CLDN10: variants seen among roughly 807,000 people sequenced by gnomAD.
CLDN10 encodes the protein claudin-10.
A neutral mutation model predicts 22.9 loss-of-function variants in CLDN10; 15 were observed. That is an observed-to-expected ratio of 0.65 (90% CI 0.44 to 1.01). The LOEUF is 1.01. CLDN10 is among the 50% of genes least tolerant of loss of function. The pLI, the probability that CLDN10 is intolerant of heterozygous loss-of-function variation, is 0.00. For missense variants in CLDN10, 247 were observed against 287.8 expected (o/e 0.86, Z 1.03); for synonymous variants, 114 against 111.4 (o/e 1.02, Z -0.15).
chr13:95,491,181 G>C (rs112929949), intron 1 of CLDN10, among the ~76,000 whole-genome samples: 358 of 152,292 alleles, frequency 2.4e-3, no homozygotes, highest in Non-Finnish European at 3.4e-3. Flanking sequence ...AGGCAACAGA[G>C]AGTTGGTTGG....
At chr13:95,532,449 C>A (rs1300722221) in intron 1 of CLDN10, among the ~76,000 whole-genome samples, 19 of 152,120 alleles carry the variant, frequency 1.2e-4, no homozygotes, top group Non-Finnish European at 1.5e-5. Context: ...AATAAGATAT[C>A]ATTGAATACC....
intron 1 of CLDN10, chr13:95,480,064 GT>G (rs113036595): frequency 0.46 from 70,422 of 152,046 alleles, 16,471 homozygotes; most frequent in Non-Finnish European, 0.49. Flanking sequence ...ATGGTGGAAG[GT>G]GAAGGAGGAA....
chr13:95,502,647 C>G (rs1349764463), intron 1 of CLDN10, among the ~76,000 whole-genome samples: 1 of 152,094 alleles, frequency 6.6e-6, no homozygotes, highest in Non-Finnish European at 1.5e-5. Context: ...AGCCTCCCGA[C>G]TAGCTGGGAT....
chr13:95,533,060 AAGTT>A (rs2043362376), intron 1 of CLDN10, among the ~76,000 whole-genome samples: 2 of 152,002 alleles, frequency 1.3e-5, no homozygotes, highest in African/African-American at 4.8e-5. Context: ...CATTTGTCAA[AAGTT>A]AGTGAATGTA....
intron 1 of CLDN10, among the ~76,000 whole-genome samples, chr13:95,458,271 G>C (rs1485993429): frequency 2.0e-5 from 3 of 152,156 alleles, no homozygotes. Flanking sequence ...AATAGCCTCC[G>C]TGTTTTTGTT....
chr13:95,531,198 C>T (rs577468494), intron 1 of CLDN10, among the ~76,000 whole-genome samples: 174 of 152,202 alleles, frequency 1.1e-3, no homozygotes, highest in Non-Finnish European at 1.7e-3. Context: ...GATTACCAGG[C>T]GTGAGCCACC....
At chr13:95,533,125 A>T (rs1173093444) in intron 1 of CLDN10, among the ~76,000 whole-genome samples, 1 of 152,012 alleles carries the variant, frequency 6.6e-6, no homozygotes, top group African/African-American at 2.4e-5. Context: ...TCAAAAGAAA[A>T]ACTAAATATT....
At chr13:95,552,228 C>A (rs1566332259), upstream of CLDN10, among the ~76,000 whole-genome samples, 1 of 152,262 alleles carries the variant, frequency 6.6e-6, no homozygotes, top group Admixed American at 6.5e-5. Context: ...GTCACCCAAA[C>A]AAGCGTGGCA....
At position 95,579,004 on chromosome 13, in the gene CLDN10, G is replaced by A. The variant is rs2043977338; in HGVS notation, c.*990G>A. On this transcript the variant is annotated 3_prime_UTR_variant, in exon 5 of 5. Coordinates refer to ENST00000299339, the MANE Select transcript of CLDN10 (RefSeq NM_006984.5). ...ATAGAGATATTGGTCATGGTTGACT[G>A]AGGAGCCAATTAAAACCTGTTTATG... The A allele has an allele frequency of 6.6e-6, 1 of 152,232 alleles. No homozygotes were observed. Among genetic ancestry groups the A allele is most frequent in the African/African-American group, 2.4e-5 (1 of 41,458 alleles). The allele number at this position is 152,232 out of a possible 1,614,324, so 9.4% of individuals were successfully genotyped here.
intron 1 of CLDN10, among the ~76,000 whole-genome samples, chr13:95,480,122 A>T (rs543928782): frequency 2.1e-4 from 32 of 152,184 alleles, no homozygotes; most frequent in African/African-American, 7.5e-4. Context: ...TGTGCGGGGG[A>T]GCTCCTTCTT....
intron 1 of CLDN10, among the ~76,000 whole-genome samples, chr13:95,558,483 C>G (rs2043665732): frequency 6.6e-6 from 1 of 152,212 alleles, no homozygotes; most frequent in Non-Finnish European, 1.5e-5. Context: ...GGAAATATTT[C>G]ACACTACACA....
At chr13:95,548,221 C>T (rs2043529805), upstream of CLDN10, among the ~76,000 whole-genome samples, 1 of 152,212 alleles carries the variant, frequency 6.6e-6, no homozygotes, top group African/African-American at 2.4e-5. Flanking sequence ...TCTAGCATCA[C>T]AGAGTGAGAG....
chr13:95,435,376 T>C (rs1178138517), intron 1 of CLDN10, among the ~76,000 whole-genome samples: 1 of 152,172 alleles, frequency 6.6e-6, no homozygotes, highest in Admixed American at 6.5e-5. Flanking sequence ...TAAAGCATAA[T>C]GTGTTAGGAG....
rs1337230749 is a variant in CLDN10, at chr13:95,555,125, A to C, written c.220+2152A>C. On this transcript the variant is annotated intron_variant, in intron 1 of 4. Transcript: ENST00000299339. ...GAGTGCAGTGGCACAATCTCAGCCG[A>C]CTGCAACCTCCGCCTCCCAGGTACA... Among the ~76,000 whole-genome samples, 5 of 146,028 alleles carry C rather than the reference A, an allele frequency of 3.4e-5. No individual in the cohort carries two copies. The East Asian group carries it at 1.1e-3, about 31-fold the overall frequency.
At chr13:95,575,713 C>T (rs1408981062) in intron 3 of CLDN10, among the ~76,000 whole-genome samples, 1 of 152,112 alleles carries the variant, frequency 6.6e-6, no homozygotes, top group Non-Finnish European at 1.5e-5. Flanking sequence ...TGCTCCAGGG[C>T]AGGAGGGGCT....
chr13:95,463,672 A>G (rs2042558867), intron 1 of CLDN10, among the ~76,000 whole-genome samples: 1 of 151,974 alleles, frequency 6.6e-6, no homozygotes, highest in Non-Finnish European at 1.5e-5. Context: ...CTACTTACAC[A>G]GGTTTAGCCA....
At chr13:95,439,735 T>G (rs890297203) in intron 1 of CLDN10, among the ~76,000 whole-genome samples, 1 of 152,130 alleles carries the variant, frequency 6.6e-6, no homozygotes, top group African/African-American at 2.4e-5. Flanking sequence ...ACCATTATTT[T>G]GGGGGTTATG....
intron 1 of CLDN10, among the ~76,000 whole-genome samples, chr13:95,475,553 GAGGGAAGTGGCC>G (rs1364749083): frequency 1.3e-5 from 2 of 152,208 alleles, no homozygotes; most frequent in Non-Finnish European, 2.9e-5. Flanking sequence ...CTCCCCAAGG[GAGGGAAGTGGCC>G]AGCAGGGTTT....
chr13:95,440,339 A>G (rs534745320), intron 1 of CLDN10, among the ~76,000 whole-genome samples: 41 of 152,198 alleles, frequency 2.7e-4, no homozygotes, highest in Admixed American at 5.2e-4. Context: ...TTAATTTCAG[A>G]TTAGTTTTTA....
Sources: allele counts gnomAD v4.1 joint callset (sites outside exome capture counted in the v4.1 genomes callset), GRCh38; gene constraint gnomAD v4.1.1; transcripts MANE v1.5; gene names NCBI Gene and HGNC (gene_info 2026-07-23, HGNC 2026-07-21).